The following GPC6 variants were observed in gnomAD, a reference collection of about 807,000 sequenced individuals.
GPC6 encodes glypican-6.
In GPC6, 14 loss-of-function variants were observed where a neutral mutation model predicts 55.2. That is an observed-to-expected ratio of 0.25 (90% CI 0.17 to 0.40). The LOEUF (loss-of-function observed/expected upper bound fraction) is 0.40. Among genes scored for constraint, GPC6 ranks in the 10% least tolerant of loss-of-function variants. The pLI is 1.00. For synonymous variants in GPC6, 278 were observed against 259.6 expected (o/e 1.07, Z -0.68); for missense variants, 641 against 708.5 (o/e 0.90, Z 1.08).
chr13:93,916,987 T>C (rs956152240), intron 3 of GPC6, among the ~76,000 whole-genome samples: 2 of 152,152 alleles, frequency 1.3e-5, no homozygotes, highest in African/African-American at 4.8e-5. Context: ...ATAAGCTCCC[T>C]TTTTGCCCCA....
At chr13:94,122,401 A>C (rs951928094) in intron 4 of GPC6, among the ~76,000 whole-genome samples, 9 of 152,070 alleles carry the variant, frequency 5.9e-5, no homozygotes, top group Non-Finnish European at 1.0e-4. Flanking sequence ...AACCTCTGAC[A>C]TTTACTCAAT....
At chr13:93,322,178 G>T (rs1879467112) in intron 1 of GPC6, among the ~76,000 whole-genome samples, 1 of 152,044 alleles carries the variant, frequency 6.6e-6, no homozygotes, top group Admixed American at 6.6e-5. Context: ...AAGTTCAAGG[G>T]TACATGTGCA....
At chr13:93,381,390 A>C (rs971758821) in intron 1 of GPC6, among the ~76,000 whole-genome samples, 4 of 152,142 alleles carry the variant, frequency 2.6e-5, no homozygotes, top group African/African-American at 9.7e-5. Flanking sequence ...ACACTTTCAA[A>C]AAAAAGGGAA....
At chr13:94,320,986 G>C (rs1869272606) in intron 6 of GPC6, among the ~76,000 whole-genome samples, 1 of 152,108 alleles carries the variant, frequency 6.6e-6, no homozygotes, top group Non-Finnish European at 1.5e-5. Context: ...ATGTCACAAA[G>C]GTTTAGTGTA....
chr13:93,281,984 G>A (rs1034622888), intron 1 of GPC6, among the ~76,000 whole-genome samples: 2 of 152,146 alleles, frequency 1.3e-5, no homozygotes, highest in Non-Finnish European at 2.9e-5. Flanking sequence ...AAGGTGAGGT[G>A]CGAAGGACCA....
intron 4 of GPC6, among the ~76,000 whole-genome samples, chr13:94,205,329 T>C (rs1343092809): frequency 6.6e-6 from 1 of 152,218 alleles, no homozygotes; most frequent in Admixed American, 6.5e-5. Flanking sequence ...GCCCATCTTA[T>C]TATAGCAAAT....
intron 2 of GPC6, among the ~76,000 whole-genome samples, chr13:93,701,143 A>G (rs1037124605): frequency 1.3e-5 from 2 of 152,114 alleles, no homozygotes; most frequent in African/African-American, 4.8e-5. Flanking sequence ...TAAAATATGC[A>G]CATCCCAGGG....
chr13:93,797,665 A>C (rs955434030), intron 2 of GPC6, among the ~76,000 whole-genome samples: 1 of 152,200 alleles, frequency 6.6e-6, no homozygotes, highest in Non-Finnish European at 1.5e-5. Flanking sequence ...AACTTCAGAC[A>C]GAGGAGAACG....
At chr13:93,231,391 A>ATATATT (rs1876038487) in intron 1 of GPC6, among the ~76,000 whole-genome samples, 2 of 21,476 alleles carry the variant, frequency 9.3e-5, no homozygotes, top group Admixed American at 6.9e-4. Flanking sequence ...ATATATATAT[A>ATATATT]TATATGTATA....
chr13:94,022,898 A>G (rs1882754819), intron 3 of GPC6, among the ~76,000 whole-genome samples: 1 of 152,078 alleles, frequency 6.6e-6, no homozygotes, highest in Non-Finnish European at 1.5e-5. Context: ...GTCCTTGATA[A>G]AAGATTATGA....
At chr13:94,206,958 C>G (rs1889923158) in intron 4 of GPC6, among the ~76,000 whole-genome samples, 1 of 152,166 alleles carries the variant, frequency 6.6e-6, no homozygotes, top group African/African-American at 2.4e-5. Flanking sequence ...CCCCCTTTAT[C>G]TAACTCTCAC....
At chr13:93,353,682 C>T (rs1395599004) in intron 1 of GPC6, among the ~76,000 whole-genome samples, 2 of 152,172 alleles carry the variant, frequency 1.3e-5, no homozygotes, top group South Asian at 2.1e-4. Flanking sequence ...TTTTTCAGCA[C>T]GTGAGGCTGT....
At chr13:93,423,096 C>T (rs1876986495) in intron 1 of GPC6, among the ~76,000 whole-genome samples, 1 of 152,162 alleles carries the variant, frequency 6.6e-6, no homozygotes, top group Non-Finnish European at 1.5e-5. Flanking sequence ...GGGCAAATTA[C>T]TTAACCTCTT....
chr13:93,877,956 A>G (rs1874695618), intron 3 of GPC6, among the ~76,000 whole-genome samples: 1 of 152,112 alleles, frequency 6.6e-6, no homozygotes. Flanking sequence ...AGCTGGTGTC[A>G]GAGGGAACAT....
chr13:93,616,372 G>A (rs1878723328), intron 2 of GPC6, among the ~76,000 whole-genome samples: 2 of 152,118 alleles, frequency 1.3e-5, no homozygotes, highest in Non-Finnish European at 2.9e-5. Flanking sequence ...CATTCAAAGG[G>A]AAGTTGTTCA....
chr13:93,240,132 C>CCT lies in GPC6; in HGVS notation c.160+12519_160+12520dup, dbSNP rs1335272425. 2.0e-5 allele frequency among the ~76,000 whole-genome samples: 3 copies of CCT among 152,028 alleles called. No individual in the cohort carries two copies. The East Asian group carries it at 5.8e-4, about 29-fold the overall frequency. On this transcript the variant is annotated intron_variant, in intron 1 of 8. Transcript: ENST00000377047. Reference sequence around the variant, plus strand: ...AGTTTGGTGTAGAATGGTCTGTAAGCCTCTGTTAGGTCCATTTGTCCTAGA... The same window carrying CCT: ...AGTTTGGTGTAGAATGGTCTGTAAGCCTCTCTGTTAGGTCCATTTGTCCTAGA...
intron 6 of GPC6, among the ~76,000 whole-genome samples, chr13:94,344,635 G>A (rs7982883): frequency 0.035 from 5,268 of 152,320 alleles, 170 homozygotes; most frequent in African/African-American, 0.084. Context: ...GAATATCAGA[G>A]CAACAGACCG....
intron 6 of GPC6, among the ~76,000 whole-genome samples, chr13:94,322,162 G>A (rs193054969): frequency 1.3e-5 from 2 of 152,160 alleles, no homozygotes; most frequent in African/African-American, 4.8e-5. Context: ...GAGACTGTGA[G>A]GAAGTCTCAT....
At chr13:93,954,188 A>T (rs2140376149) in intron 3 of GPC6, among the ~76,000 whole-genome samples, 1 of 152,324 alleles carries the variant, frequency 6.6e-6, no homozygotes, top group South Asian at 2.1e-4. Flanking sequence ...TTCTTTCAAC[A>T]CATATAGTTT....
Sources: allele counts gnomAD v4.1 joint callset (sites outside exome capture counted in the v4.1 genomes callset), GRCh38; gene constraint gnomAD v4.1.1; transcripts MANE v1.5; gene names NCBI Gene and HGNC (gene_info 2026-07-23, HGNC 2026-07-21).